RIDA: variants seen among roughly 807,000 people sequenced by gnomAD.
RIDA encodes the protein reactive intermediate imine deaminase A, also known as 2-iminobutanoate/2-iminopropanoate deaminase.
RIDA carries 17 observed loss-of-function variants against 17.8 expected under a neutral mutation model. That is an observed-to-expected ratio of 0.96 (90% CI 0.65 to 1.43). RIDA has a LOEUF of 1.43. RIDA is among the 40% of genes most tolerant of loss of function. The pLI, the probability that RIDA is intolerant of heterozygous loss-of-function variation, is 0.00. For missense variants in RIDA, 158 were observed against 161.7 expected (o/e 0.98, Z 0.12); for synonymous variants, 48 against 55.7 (o/e 0.86, Z 0.62).
Position 98,104,348 on chromosome 8 carries a change from A to G in RIDA, c.351+141T>C. 4.2e-6 allele frequency: 3 copies of G among 710,586 alleles called. No individual in the cohort carries two copies. The South Asian group carries it at 4.6e-5, about 11-fold the overall frequency. 44.0% of individuals were successfully genotyped at this position (710,586 alleles called of 1,614,324 possible). On this transcript the variant is annotated intron_variant, in intron 5 of 5. Transcript: ENST00000254878. Reference sequence around the variant, plus strand: ...GCGATCCTCCTGTGTTGGCCTCTCAAAGCACTGGGATTACAGGGGTAAGCC... The same window carrying G: ...GCGATCCTCCTGTGTTGGCCTCTCAGAGCACTGGGATTACAGGGGTAAGCC...
In RIDA at chr8:98,116,178, T is replaced by C. The variant is rs538502947; in HGVS notation, c.65+854A>G. On this transcript the variant is annotated intron_variant, in intron 1 of 5. Transcript: ENST00000254878. ...AAACCAACCTTCAAAACCAAAGGAC[T>C]ACCTCTCACAAGGAACCTTCCTAAA... 3.3e-5 allele frequency among the ~76,000 whole-genome samples: 5 copies of C among 152,366 alleles called. No homozygotes were observed. The East Asian group carries it at 5.8e-4, about 18-fold the overall frequency.
At chr8:98,115,794 T>A (rs959721822) in intron 1 of RIDA, among the ~76,000 whole-genome samples, 9 of 152,238 alleles carry the variant, frequency 5.9e-5, no homozygotes, top group Admixed American at 5.9e-4. Context: ...TGAGTTTATT[T>A]TTTACTATTA....
chr8:98,108,773 T>A (rs751346187), intron 1 of RIDA, 22 bp from the exon 2 acceptor site: 1 of 1,429,054 alleles, frequency 7.0e-7, no homozygotes, highest in South Asian at 1.1e-5. Flanking sequence ...AGAAAGCTAG[T>A]GTATTTATGT....
At chr8:98,103,242 G>T (rs1815584711) in intron 5 of RIDA, among the ~76,000 whole-genome samples, 1 of 152,204 alleles carries the variant, frequency 6.6e-6, no homozygotes, top group African/African-American at 2.4e-5. Context: ...CCCTTGTCTT[G>T]TGATTCCAAG....
intron 1 of RIDA, among the ~76,000 whole-genome samples, chr8:98,116,692 G>A (rs1042145678): frequency 1.3e-5 from 2 of 151,850 alleles, no homozygotes; most frequent in African/African-American, 2.4e-5. Flanking sequence ...TGAATCTTAC[G>A]GTACGTGAAT....
intron 4 of RIDA, among the ~76,000 whole-genome samples, chr8:98,105,715 T>C (rs1425170362): frequency 6.6e-6 from 1 of 152,182 alleles, no homozygotes; most frequent in Non-Finnish European, 1.5e-5. Context: ...AATGGATATG[T>C]AGGATTTCAG....
At chr8:98,109,307 T>C (rs760574222) in intron 1 of RIDA, among the ~76,000 whole-genome samples, 2 of 151,876 alleles carry the variant, frequency 1.3e-5, no homozygotes, top group African/African-American at 4.8e-5. Context: ...TAAGAAGAAC[T>C]CTTAAAAGTC....
Position 98,117,141 on chromosome 8 carries a change from A to G in RIDA, c.-45T>C, listed in dbSNP as rs199848393. 30 of 1,574,436 alleles carry G rather than the reference A, an allele frequency of 1.9e-5. No individual in the cohort carries two copies. The African/African-American group carries it at 3.8e-4, about 20-fold the overall frequency. On this transcript the variant is annotated 5_prime_UTR_variant, in exon 1 of 6. Transcript: ENST00000254878. ...CAGCCCCTTCAGGAGAAGAAGCCCC[A>G]GCACCAGCCCTGCTGGCTTCTTACT...
In RIDA at chr8:98,106,273, G is replaced by A. The variant is rs188327826; in HGVS notation, c.225C>T (p.Asn75=). 1.2e-5 allele frequency: 20 copies of A among 1,613,092 alleles called. No individual in the cohort carries two copies. Among genetic ancestry groups the A allele is most frequent in the East Asian group, 4.5e-5 (2 of 44,832 alleles). ...GTGAAATAATATCAAATTGCTCACCGTTAGTGAAGTCACAGCCTGCAGCTT... is the reference window on the plus strand; with the variant it reads ...GTGAAATAATATCAAATTGCTCACCATTAGTGAAGTCACAGCCTGCAGCTT... ...ILKAAGCDFT[N]VVKTTVLLAD... Residue 75 remains asparagine, a splice_region_variant and synonymous_variant, in exon 3 of 6, where the codon AAC becomes AAT. Coordinates refer to ENST00000254878, the MANE Select transcript of RIDA (RefSeq NM_005836.3).
At chr8:98,110,576 T>A (rs1034213147) in intron 1 of RIDA, among the ~76,000 whole-genome samples, 1 of 152,202 alleles carries the variant, frequency 6.6e-6, no homozygotes, top group African/African-American at 2.4e-5. Flanking sequence ...ATGGGTAACT[T>A]TTATAAGTAA....
intron 1 of RIDA, among the ~76,000 whole-genome samples, chr8:98,110,970 C>T (rs1302371736): frequency 6.6e-6 from 1 of 152,146 alleles, no homozygotes; most frequent in Non-Finnish European, 1.5e-5. Context: ...TCCCCTTCCG[C>T]CATTATTGTA....
At chr8:98,105,466 T>C (rs1291481504) in intron 4 of RIDA, among the ~76,000 whole-genome samples, 1 of 152,200 alleles carries the variant, frequency 6.6e-6, no homozygotes, top group African/African-American at 2.4e-5. Context: ...CTTTACATGT[T>C]GTACTGACTC....
Position 98,108,728 on chromosome 8 carries a change from G to A in RIDA, c.89C>T (p.Thr30Ile). ...GCCTATCTGTCCTGAAATGTAAATG[G>A]TCCTGTCGACTAATACAGCTTGACT... is the stretch of plus-strand genomic sequence containing the variant. Reference protein sequence around the residue: ...PYSQAVLVDRTIYISGQIGMD... With the variant: ...PYSQAVLVDRIIYISGQIGMD... Residue 30 changes from threonine to isoleucine, a missense_variant, in exon 2 of 6, where the codon ACC becomes ATC. Thr to Ile is a moderately conservative substitution (Grantham distance 89, BLOSUM62 -1). Coordinates refer to ENST00000254878, the MANE Select transcript of RIDA (RefSeq NM_005836.3). 6.2e-7 allele frequency: 1 copy of A among 1,612,272 alleles called. No individual in the cohort carries two copies. Among genetic ancestry groups the A allele is most frequent in the Non-Finnish European group, 8.5e-7 (1 of 1,178,524 alleles).
intron 5 of RIDA, among the ~76,000 whole-genome samples, chr8:98,103,341 A>G (rs1363413520): frequency 6.6e-6 from 1 of 152,166 alleles, no homozygotes; most frequent in Non-Finnish European, 1.5e-5. Context: ...TACAAATGAC[A>G]CTCTTAAAAC....
At chr8:98,112,224 T>C (rs1023994270) in intron 1 of RIDA, among the ~76,000 whole-genome samples, 6 of 84,580 alleles carry the variant, frequency 7.1e-5, no homozygotes, top group Admixed American at 2.1e-4. Flanking sequence ...ACACACACAC[T>C]TTCTCTAAGT....
In RIDA at chr8:98,102,690, C is replaced by G. The variant is rs1042298918; in HGVS notation, c.*152G>C. The G allele has an allele frequency of 7.3e-6, 4 of 548,990 alleles. No individual in the cohort carries two copies. The highest frequency in any genetic ancestry group is 1.3e-5 in the Non-Finnish European group (4 of 312,292). The allele number at this position is 548,990 out of a possible 1,614,324, so 34.0% of individuals were successfully genotyped here. On this transcript the variant is annotated 3_prime_UTR_variant, in exon 6 of 6. Coordinates refer to ENST00000254878, the MANE Select transcript of RIDA (RefSeq NM_005836.3). ...TTCTCTAATATTCATGTTCAACTCT[C>G]CCTATTACATGGTATTTCCATAATA...
intron 1 of RIDA, among the ~76,000 whole-genome samples, chr8:98,111,520 C>A (rs1429476183): frequency 6.6e-6 from 1 of 151,420 alleles, no homozygotes; most frequent in Admixed American, 6.6e-5. Flanking sequence ...GCATGAGAAT[C>A]ACTTGAACCT....
chr8:98,111,294 CTT>C (rs1043460961), intron 1 of RIDA, among the ~76,000 whole-genome samples: 15 of 152,102 alleles, frequency 9.9e-5, no homozygotes, highest in African/African-American at 3.1e-4. Context: ...AGAAAGAAGA[CTT>C]AATGTAATTT....
chr8:98,105,120 C>CAAAAA (rs11354936), intron 4 of RIDA, among the ~76,000 whole-genome samples: 1 of 88,076 alleles, frequency 1.1e-5, no homozygotes, highest in East Asian at 3.4e-4. Flanking sequence ...AGCTTTCTGG[C>CAAAAA]AAAAAAAAAA....
Sources: gnomAD v4.1 joint callset for allele counts (sites outside exome capture counted in the v4.1 genomes callset) on GRCh38, gnomAD v4.1.1 for gene constraint, MANE v1.5 for transcripts, NCBI Gene and HGNC (gene_info 2026-07-23, HGNC 2026-07-21) for gene names.